Variants in DCBLD1 observed in about 807,000 individuals in gnomAD.
DCBLD1 encodes the protein discoidin, CUB and LCCL domain-containing protein 1.
Under a neutral mutation model 71.5 loss-of-function variants are expected in DCBLD1, and 57 were observed. That is an observed-to-expected ratio of 0.80 (90% confidence interval 0.64 to 0.99). The LOEUF is 0.99. Ranked by LOEUF, DCBLD1 falls within the 50% of genes least tolerant of loss-of-function variation. DCBLD1 has a pLI of 0.00. For missense variants in DCBLD1, 891 were observed against 923.5 expected (o/e 0.96, Z 0.46); for synonymous variants, 380 against 363.8 (o/e 1.04, Z -0.51).
chr6:117,482,761 A>G lies in DCBLD1; in HGVS notation c.-21A>G. The G allele has an allele frequency of 1.8e-6, 2 of 1,129,258 alleles. No homozygotes were observed. Among genetic ancestry groups the G allele is most frequent in the Non-Finnish European group, 2.2e-6 (2 of 922,670 alleles). 70.0% of individuals were successfully genotyped at this position (1,129,258 alleles called of 1,614,324 possible). The stretch of plus-strand genomic sequence containing the variant: ...CCGTCGAGGGGAGGCCGAGCTTGCC[A>G]AGCTGGCGCCCAGCGGGGTCATGGT... On this transcript the variant is annotated 5_prime_UTR_variant, in exon 1 of 15. Coordinates refer to ENST00000338728, the MANE Select transcript of DCBLD1 (RefSeq NM_001366458.2).
chr6:117,565,753 T>C (rs1779683503), intron 14 of DCBLD1, among the ~76,000 whole-genome samples: 1 of 152,216 alleles, frequency 6.6e-6, no homozygotes, highest in South Asian at 2.1e-4. Context: ...ATCAGTTGTC[T>C]TTCCTGAAGT....
chr6:117,504,435 G>A (rs1177422988), intron 2 of DCBLD1, among the ~76,000 whole-genome samples: 1 of 152,200 alleles, frequency 6.6e-6, no homozygotes, highest in African/African-American at 2.4e-5. Flanking sequence ...TAGTATGAGA[G>A]ATGGTGAGAA....
intron 1 of DCBLD1, among the ~76,000 whole-genome samples, chr6:117,484,086 A>T (rs1777001982): frequency 6.6e-6 from 1 of 152,206 alleles, no homozygotes; most frequent in African/African-American, 2.4e-5. Context: ...ATTTTGTTAA[A>T]TGCGTAGGAC....
intron 5 of DCBLD1, among the ~76,000 whole-genome samples, chr6:117,528,051 A>G (rs1378578054): frequency 6.6e-6 from 1 of 152,166 alleles, no homozygotes; most frequent in East Asian, 1.9e-4. Context: ...CCTCTCCCCA[A>G]AATGTTCAAG....
chr6:117,529,227 T>C (rs1213716344), intron 5 of DCBLD1, among the ~76,000 whole-genome samples: 1 of 152,216 alleles, frequency 6.6e-6, no homozygotes, highest in Non-Finnish European at 1.5e-5. Context: ...ATGAACATTG[T>C]AGATCAATCT....
At chr6:117,545,692 T>G in intron 14 of DCBLD1, 95 bp downstream of exon 14, 4 of 1,491,164 alleles carry the variant, frequency 2.7e-6, no homozygotes, top group Non-Finnish European at 3.6e-6. Flanking sequence ...TCCTTTTCTA[T>G]TTAGATAGGG....
intron 1 of DCBLD1, among the ~76,000 whole-genome samples, chr6:117,494,469 A>G (rs1345569551): frequency 1.3e-5 from 2 of 152,220 alleles, no homozygotes; most frequent in Non-Finnish European, 2.9e-5. Flanking sequence ...TGGATATTAC[A>G]TCAACATCCT....
intron 2 of DCBLD1, among the ~76,000 whole-genome samples, chr6:117,516,572 C>A (rs185505581): frequency 2.6e-5 from 4 of 152,196 alleles, no homozygotes; most frequent in Admixed American, 2.6e-4. Flanking sequence ...GAAATTGGAT[C>A]CTTTATACCA....
chr6:117,541,085 A>T, intron 11 of DCBLD1, 60 bp downstream of exon 11: 1 of 1,534,420 alleles, frequency 6.5e-7, no homozygotes, highest in South Asian at 1.1e-5. Flanking sequence ...ACCCAATATC[A>T]GTAACTTCAA....
intron 13 of DCBLD1, among the ~76,000 whole-genome samples, 156 bp from the exon 14 acceptor site, chr6:117,545,322 T>C (rs1779231006): frequency 6.6e-6 from 1 of 152,164 alleles, no homozygotes; most frequent in Non-Finnish European, 1.5e-5. Flanking sequence ...TTAATGACCT[T>C]GGCATGCTGT....
Position 117,538,774 on chromosome 6 carries a change from C to T in DCBLD1, c.915C>T (p.Ser305=). 1 of 1,614,094 alleles carries T rather than the reference C, an allele frequency of 6.2e-7. No individual in the cohort carries two copies. Among genetic ancestry groups the T allele is most frequent in the Non-Finnish European group, 8.5e-7 (1 of 1,180,006 alleles). ...CATCATGGGCTTCGGGCGACAGTAG[C>T]AACAACCACAAACCACGAGAGTGGC... ...QGPSWASGDS[S]NNHKPREWLE... The change falls in exon 8 of 15, where the codon AGC becomes AGT. Residue 305 remains serine, a synonymous_variant. Transcript: ENST00000338728.
intron 14 of DCBLD1, among the ~76,000 whole-genome samples, chr6:117,546,224 T>TA (rs1779260685): frequency 6.6e-6 from 1 of 152,186 alleles, no homozygotes. Context: ...AAAGAGTAAC[T>TA]AAGAGTAGTT....
chr6:117,568,505 C>T (rs1434766412), intron 14 of DCBLD1, among the ~76,000 whole-genome samples: 5 of 152,194 alleles, frequency 3.3e-5, no homozygotes, highest in South Asian at 2.1e-4. Context: ...AGTTATCCCA[C>T]TCTTTTGCTA....
chr6:117,543,153 T>C lies in DCBLD1; in HGVS notation c.1387T>C (p.Leu463=), dbSNP rs763392489. Residue 463 remains leucine (L), a synonymous_variant, in exon 12 of 15, where the codon TTG becomes CTG. Coordinates refer to ENST00000338728, the MANE Select transcript of DCBLD1 (RefSeq NM_001366458.2). ...GINITTVAIP[L]VLLVVLVFAG... is the part of the protein sequence containing the mutation. Reference sequence around the variant, plus strand: ...AAACATTACAACGGTGGCTATTCCATTGGTGCTCCTTGTTGTCCTGGTGTT... The same window carrying C: ...AAACATTACAACGGTGGCTATTCCACTGGTGCTCCTTGTTGTCCTGGTGTT... The C allele has an allele frequency of 1.3e-5, 21 of 1,614,048 alleles. No individual in the cohort carries two copies. The highest frequency in any genetic ancestry group is 1.6e-5 in the Non-Finnish European group (19 of 1,180,018).
chr6:117,537,471 T>A (rs557313651), intron 7 of DCBLD1, among the ~76,000 whole-genome samples: 117 of 151,568 alleles, frequency 7.7e-4, no homozygotes, highest in African/African-American at 2.8e-3. Context: ...GAGGCGGAGC[T>A]TGCAGTGAGC....
intron 2 of DCBLD1, among the ~76,000 whole-genome samples, chr6:117,506,426 G>A (rs910382054): frequency 3.9e-5 from 6 of 152,242 alleles, no homozygotes; most frequent in South Asian, 4.1e-4. Context: ...CAGCAATTTC[G>A]TCTAAAACAC....
rs765859830 is a variant in DCBLD1, at chr6:117,545,531, A to G, written c.1549A>G (p.Thr517Ala). Residue 517 changes from threonine to alanine, a missense_variant, in exon 14 of 15, where the codon ACC becomes GCC. Thr to Ala is a moderately conservative substitution (Grantham distance 58, BLOSUM62 0). Coordinates refer to ENST00000338728, the MANE Select transcript of DCBLD1 (RefSeq NM_001366458.2). ...PFARHQSAEF[T>A]ISYDNEKEMT... Reference sequence around the variant, plus strand: ...TGCCAGACATCAGTCAGCTGAGTTTACCATCAGCTATGATAATGAGAAGGA... The same window carrying G: ...TGCCAGACATCAGTCAGCTGAGTTTGCCATCAGCTATGATAATGAGAAGGA... The G allele has an allele frequency of 1.9e-6, 3 of 1,614,194 alleles. No homozygotes were observed. Among genetic ancestry groups the G allele is most frequent in the Non-Finnish European group, 2.5e-6 (3 of 1,180,038 alleles).
At chr6:117,569,748 A>G (rs1328559407) in exon 15 of DCBLD1, 25 of 1,564,168 alleles carry the variant, frequency 1.6e-5, no homozygotes, top group Non-Finnish European at 2.0e-5. Flanking sequence ...TAACAACAAC[A>G]AAGGGCAGTA....
Position 117,537,176 on chromosome 6 carries a change from T to C in DCBLD1, c.720-9T>C, listed in dbSNP as rs1373817655. On this transcript the variant is annotated splice_polypyrimidine_tract_variant and intron_variant, in intron 6 of 14. Coordinates refer to ENST00000338728, the MANE Select transcript of DCBLD1 (RefSeq NM_001366458.2). ...ACTTACCTTCTCATGTTTGTCTTTA[T>C]TGTTTCAGTGGTTCCCTGTCAGACA... 6.2e-7 allele frequency: 1 copy of C among 1,614,022 alleles called. No homozygotes were observed. Among genetic ancestry groups the C allele is most frequent in the East Asian group, 2.2e-5 (1 of 44,870 alleles).
Sources: allele counts gnomAD v4.1 joint callset (sites outside exome capture counted in the v4.1 genomes callset), GRCh38; gene constraint gnomAD v4.1.1; transcripts MANE v1.5; gene names NCBI Gene and HGNC (gene_info 2026-07-23, HGNC 2026-07-21).